The following USP19 variants were observed in gnomAD, a reference collection of about 807,000 sequenced individuals.
USP19 encodes ubiquitin carboxyl-terminal hydrolase 19.
Under a neutral mutation model 144.8 loss-of-function variants are expected in USP19, and 40 were observed. The ratio of observed to expected loss-of-function variants is 0.28; its 90% confidence interval spans 0.21 to 0.36. The LOEUF is 0.36. Among genes scored for constraint, USP19 ranks in the 10% least tolerant of loss-of-function variants. USP19 has a pLI of 1.00. For missense variants in USP19, 1,518 were observed against 1,822.5 expected, an observed-to-expected ratio of 0.83 and a Z score of 3.04; for synonymous variants, 701 against 709.3, an observed-to-expected ratio of 0.99 and a Z score of 0.19.
In USP19 at chr3:49,117,513, A is replaced by C; in HGVS notation, c.530T>G (p.Val177Gly). Residue 177 changes from valine (V) to glycine (G), a missense_variant, in exon 5 of 27, where the codon GTG becomes GGG. This residue lies in a region of USP19 where 707 missense variants were observed against 728.9 expected (regional missense o/e 0.97). Coordinates refer to ENST00000417901, the MANE Select transcript of USP19 (RefSeq NM_001199161.2). The surrounding 1 kb of genome is among the most constrained non-coding windows in gnomAD (Gnocchi z 4.4). Reference protein sequence around the residue: ...YAEIKSSCAKVQTRKGSLLHL... With the variant: ...YAEIKSSCAKGQTRKGSLLHL... ...CAGGAGACTGCCCTTGCGGGTTTGC[A>C]CTTTAGCACAAGAGCTTTTTATCTC... is the stretch of plus-strand genomic sequence containing the variant. The C allele has an allele frequency of 3.1e-6, 5 of 1,614,130 alleles. No individual in the cohort carries two copies. The highest frequency in any genetic ancestry group is 4.2e-6 in the Non-Finnish European group (5 of 1,180,044).
chr3:49,116,884 G>A lies in USP19; in HGVS notation c.969C>T (p.Gly323=). The A allele has an allele frequency of 6.2e-7, 1 of 1,614,132 alleles. No individual in the cohort carries two copies. The highest frequency in any genetic ancestry group is 8.5e-7 in the Non-Finnish European group (1 of 1,180,020). Reference sequence around the variant, plus strand: ...CCAAAGGGGCTAAATTCTCCTCTGAGCCCAGGAGGCAGGTTTGGGAGTTCA... The same window carrying A: ...CCAAAGGGGCTAAATTCTCCTCTGAACCCAGGAGGCAGGTTTGGGAGTTCA... ...PPLNSQTCLL[G]SEENLAPLAG... Residue 323 remains glycine, a synonymous_variant, in exon 7 of 27, where the codon GGC becomes GGT. Coordinates refer to ENST00000417901, the MANE Select transcript of USP19 (RefSeq NM_001199161.2). This position sits in a 1 kb window ranked among gnomAD's most constrained non-coding sequence, Gnocchi z 5.0.
chr3:49,109,923 G>A (rs1459214679), intron 26 of USP19: 3 of 347,176 alleles, frequency 8.6e-6, no homozygotes, highest in South Asian at 8.6e-5. Flanking sequence ...GTGAGGTTCA[G>A]AGCAGTTGCC....
chr3:49,113,905 C>T lies in USP19; in HGVS notation c.2505+87G>A, dbSNP rs35451733. On this transcript the variant is annotated intron_variant, in intron 17 of 26. Transcript: ENST00000417901. ...CACTGTGCCCAGCCCATGTGTATGT[C>T]TGTAGATGCCAATGACTGTACACAC... is the stretch of plus-strand genomic sequence containing the variant. 3.9e-5 allele frequency: 55 copies of T among 1,421,430 alleles called. No homozygotes were observed. The African/African-American group carries it at 7.2e-4, about 19-fold the overall frequency. 88.1% of individuals were successfully genotyped at this position (1,421,430 alleles called of 1,614,324 possible).
In USP19 at chr3:49,116,197, G is replaced by A. The variant is rs1045674781; in HGVS notation, c.1356-35C>T. 2 of 1,613,802 alleles carry A rather than the reference G, an allele frequency of 1.2e-6. No homozygotes were observed. Among genetic ancestry groups the A allele is most frequent in the Non-Finnish European group, 1.7e-6 (2 of 1,179,824 alleles). On this transcript the variant is annotated intron_variant, in intron 9 of 26. Coordinates refer to ENST00000417901, the MANE Select transcript of USP19 (RefSeq NM_001199161.2). This position sits in a 1 kb window ranked among gnomAD's most constrained non-coding sequence, Gnocchi z 5.0. ...AAGGCTGAACTCAGGGACTTAGGAG[G>A]AATGAGCATCAGGATAGATGAGCCA...
chr3:49,113,753 T>C (rs1268407320), intron 17 of USP19, among the ~76,000 whole-genome samples: 3 of 152,158 alleles, frequency 2.0e-5, no homozygotes, highest in African/African-American at 7.2e-5. Context: ...CGTACCACCA[T>C]GCCCAGCTAA....
At chr3:49,118,884 TATC>T in intron 2 of USP19, 135 bp downstream of exon 2, 1 of 1,348,874 alleles carries the variant, frequency 7.4e-7, no homozygotes, top group South Asian at 1.4e-5. Context: ...CTACTGAGGT[TATC>T]ATGGGTCCTT....
rs1225128364 is a variant in USP19 at position 49,110,081 on chromosome 3, C to T, written c.4038+103G>A. 1 of 1,330,948 alleles carries T rather than the reference C, an allele frequency of 7.5e-7. No homozygotes were observed. The highest frequency in any genetic ancestry group is 9.9e-7 in the Non-Finnish European group (1 of 1,014,142). The allele number at this position is 1,330,948 out of a possible 1,614,324, so 82.4% of individuals were successfully genotyped here. A position where few individuals can be genotyped will look rare whatever the true frequency, so the allele number is the denominator to read the frequency against. ...TCTGCAATTCTCATGAATCCCAAGGCTCAATGGGCCTGTGGCTGGAGGAGA... is the reference window on the plus strand; with the variant it reads ...TCTGCAATTCTCATGAATCCCAAGGTTCAATGGGCCTGTGGCTGGAGGAGA... On this transcript the variant is annotated intron_variant, in intron 26 of 26. Transcript: ENST00000417901. This position sits in a 1 kb window ranked among gnomAD's most constrained non-coding sequence, Gnocchi z 6.1.
rs756141741 is a variant in USP19 at position 49,114,296 on chromosome 3, G to A, written c.2293-12C>T. ...AAAGTGATGGAGACCTGTGGATGTA[G>A]AGGTGGCACTGGGTAGCTGCACACA... On this transcript the variant is annotated splice_polypyrimidine_tract_variant and intron_variant, in intron 15 of 26. Transcript: ENST00000417901. The surrounding 1 kb of genome is among the most constrained non-coding windows in gnomAD (Gnocchi z 4.5). 1 of 1,612,462 alleles carries A rather than the reference G, an allele frequency of 6.2e-7. No individual in the cohort carries two copies. The highest frequency in any genetic ancestry group is 8.5e-7 in the Non-Finnish European group (1 of 1,178,520).
At position 49,112,032 on chromosome 3, in the gene USP19, G is replaced by A; in HGVS notation, c.2782C>T (p.His928Tyr). The change falls in exon 20 of 27, where the codon CAC becomes TAC. Residue 928 changes from histidine to tyrosine, a missense_variant. His to Tyr is a moderately conservative substitution (Grantham distance 83, BLOSUM62 2). Transcript: ENST00000417901. This position sits in a 1 kb window ranked among gnomAD's most constrained non-coding sequence, Gnocchi z 4.9. ...CAGAGGCCCTTGTGGTCAGGCCAGT[G>A]GGTTTTCTGGCAGAGCCTGACGGGA... ...GYCNQLCQKT[H>Y]WPDHKGLCRP... The A allele has an allele frequency of 6.2e-7, 1 of 1,614,068 alleles. No individual in the cohort carries two copies. Among genetic ancestry groups the A allele is most frequent in the Admixed American group, 1.7e-5 (1 of 60,014 alleles).
Position 49,117,102 on chromosome 3 carries a change from G to A in USP19, c.866C>T (p.Pro289Leu). The change falls in exon 6 of 27, where the codon CCC becomes CTC. Residue 289 changes from proline (P) to leucine (L), a missense_variant. Transcript: ENST00000417901. The surrounding 1 kb of genome is among the most constrained non-coding windows in gnomAD (Gnocchi z 4.4). ...EGDGSRDDPG[P>L]RGDAPPFVAD... is the part of the protein sequence containing the mutation. ...CACGAAGGGTGGGGCATCACCCCGG[G>A]GTCCAGGGTCATCCCTGGACCCGTC... 1 of 1,525,042 alleles carries A rather than the reference G, an allele frequency of 6.6e-7. No individual in the cohort carries two copies. Among genetic ancestry groups the A allele is most frequent in the Non-Finnish European group, 8.8e-7 (1 of 1,132,924 alleles). The allele number at this position is 1,525,042 out of a possible 1,614,324, so 94.5% of individuals were successfully genotyped here. A position where few individuals can be genotyped will look rare whatever the true frequency, so the allele number is the denominator to read the frequency against.
intron 26 of USP19, chr3:49,109,292 C>A (rs1401874319): frequency 9.0e-6 from 12 of 1,327,688 alleles, no homozygotes; most frequent in Non-Finnish European, 1.2e-5. Flanking sequence ...GGGCTAACAC[C>A]CTGCATTCTA....
At position 49,108,871 on chromosome 3, in the gene USP19, A is replaced by G; in HGVS notation, c.4039-343T>C. The G allele has an allele frequency of 6.7e-7, 1 of 1,488,052 alleles. No homozygotes were observed. Among genetic ancestry groups the G allele is most frequent in the Non-Finnish European group, 8.9e-7 (1 of 1,118,398 alleles). The allele number at this position is 1,488,052 out of a possible 1,614,324, so 92.2% of individuals were successfully genotyped here. On this transcript the variant is annotated intron_variant, in intron 26 of 26. Coordinates refer to ENST00000417901, the MANE Select transcript of USP19 (RefSeq NM_001199161.2). This position sits in a 1 kb window ranked among gnomAD's most constrained non-coding sequence, Gnocchi z 4.8. Reference sequence around the variant, plus strand: ...CACCAGATGCATAAGCTGAGGCCCAAAGCCCAGAGGTGTTCCCCACAACAA... The same window carrying G: ...CACCAGATGCATAAGCTGAGGCCCAGAGCCCAGAGGTGTTCCCCACAACAA...
rs1456484223 is a variant in USP19 at position 49,112,370 on chromosome 3, C to T, written c.2679G>A (p.Lys893=). The T allele has an allele frequency of 6.2e-7, 1 of 1,614,070 alleles. No homozygotes were observed. Among genetic ancestry groups the T allele is most frequent in the South Asian group, 1.1e-5 (1 of 91,074 alleles). ...RPQVPSVPIS[K]CAACQRKQQS... Reference sequence around the variant, plus strand: ...GTTGCTTCCGCTGGCAGGCTGCACACTTGGAGATGGGGACGCTGGGCACCT... The same window carrying T: ...GTTGCTTCCGCTGGCAGGCTGCACATTTGGAGATGGGGACGCTGGGCACCT... Residue 893 remains lysine, a synonymous_variant, in exon 19 of 27, where the codon AAG becomes AAA. Transcript: ENST00000417901. This position sits in a 1 kb window ranked among gnomAD's most constrained non-coding sequence, Gnocchi z 4.9.
rs2107458404 is a variant in USP19, at chr3:49,115,278, G to A, written c.1972C>T (p.Arg658Trp). ...TGGTGGGTGCCCTTCCACAGCGCCC[G>A]AAGCAGCACGGCAAAGCCAATGGCC... Reference protein sequence around the residue: ...RLAIGFAVLLRALWKGTHHAF... With the variant: ...RLAIGFAVLLWALWKGTHHAF... Residue 658 changes from arginine to tryptophan, a missense_variant, in exon 13 of 27, where the codon CGG becomes TGG. By Grantham distance (101) the Arg-to-Trp change is moderately radical. Transcript: ENST00000417901. This position sits in a 1 kb window ranked among gnomAD's most constrained non-coding sequence, Gnocchi z 6.6. 2.5e-6 allele frequency: 4 copies of A among 1,614,102 alleles called. No homozygotes were observed. Among genetic ancestry groups the A allele is most frequent in the Non-Finnish European group, 3.4e-6 (4 of 1,180,032 alleles).
chr3:49,109,122 G>A, intron 26 of USP19: 3 of 1,558,590 alleles, frequency 1.9e-6, no homozygotes, highest in Non-Finnish European at 2.6e-6. Context: ...CAGGGACCCA[G>A]GGGCCCAGAC....
At position 49,108,462 on chromosome 3, in the gene USP19, G is replaced by C. The variant is rs200833787; in HGVS notation, c.4105C>G (p.Pro1369Ala). 7.2e-5 allele frequency: 97 copies of C among 1,355,904 alleles called. No individual in the cohort carries two copies. Among genetic ancestry groups the C allele is most frequent in the African/African-American group, 5.7e-4 (37 of 65,478 alleles). The allele number at this position is 1,355,904 out of a possible 1,614,324, so 84.0% of individuals were successfully genotyped here. A position where few individuals can be genotyped will look rare whatever the true frequency, so the allele number is the denominator to read the frequency against. ...TAGGTGGGGGCTGGCCGATCCACAG[G>C]GGGGGCGAAGCGTTCAGGGGCTGTC... ...TRTAPERFAP[P>A]VDRPAPTYSN... Residue 1369 changes from proline to alanine, a missense_variant, in exon 27 of 27, where the codon CCT (proline) becomes GCT (alanine). Physicochemically the swap from Pro to Ala is conservative, Grantham distance 27. Coordinates refer to ENST00000417901, the MANE Select transcript of USP19 (RefSeq NM_001199161.2). This position sits in a 1 kb window ranked among gnomAD's most constrained non-coding sequence, Gnocchi z 4.8.
In USP19 at chr3:49,117,173, C is replaced by A. The variant is rs779770305; in HGVS notation, c.795G>T (p.Gly265=). The A allele has an allele frequency of 6.5e-6, 10 of 1,548,066 alleles. No individual in the cohort carries two copies. The East Asian group carries it at 2.0e-4, about 30-fold the overall frequency. Residue 265 remains glycine, a synonymous_variant, in exon 6 of 27, where the codon GGG becomes GGT. Coordinates refer to ENST00000417901, the MANE Select transcript of USP19 (RefSeq NM_001199161.2). This position sits in a 1 kb window ranked among gnomAD's most constrained non-coding sequence, Gnocchi z 4.4. The part of the protein sequence containing the change: ...GAGAGPGAQA[G]PSAKRAVHLC... ...GATGCACAGCCCTCTTGGCGCTGGG[C>A]CCTGCCTGGGCCCCGGGGCCAGCCC...
At chr3:49,120,649 AG>A (rs1416107440) in intron 1 of USP19, 106 bp downstream of exon 1, 1 of 159,360 alleles carries the variant, frequency 6.3e-6, no homozygotes, top group African/African-American at 2.4e-5. Context: ...GCGGGGCACT[AG>A]GGGTAGGGAC....
chr3:49,113,995 C>A lies in USP19; in HGVS notation c.2502G>T (p.Ala834=). Reference sequence around the variant, plus strand: ...GCCCAAGGAAGGACAAAGATACCTCCGCCAAACGCAGGTTCTCAGGCTTCA... The same window carrying A: ...GCCCAAGGAAGGACAAAGATACCTCAGCCAAACGCAGGTTCTCAGGCTTCA... ...VHVKPENLRL[A]EVIKNRFHRV... is the part of the protein sequence containing the mutation. Residue 834 remains alanine, a synonymous_variant, in exon 17 of 27, where the codon GCG becomes GCT. Transcript: ENST00000417901. 1 of 1,614,042 alleles carries A rather than the reference C, an allele frequency of 6.2e-7. No homozygotes were observed. The highest frequency in any genetic ancestry group is 1.1e-5 in the South Asian group (1 of 91,072).
Sources: allele counts gnomAD v4.1 joint callset (sites outside exome capture counted in the v4.1 genomes callset), GRCh38; gene constraint gnomAD v4.1.1; regional missense constraint gnomAD v4.1.1; non-coding constraint Gnocchi (gnomAD v3.1); transcripts MANE v1.5; gene names NCBI Gene and HGNC (gene_info 2026-07-23, HGNC 2026-07-21).